The following ARL14EPL variants were observed in gnomAD, a reference collection of about 807,000 sequenced individuals.
ARL14EPL encodes ARF like GTPase 14 effector protein like.
Under a neutral mutation model 15.9 loss-of-function variants are expected in ARL14EPL, and 17 were observed. The ratio of observed to expected loss-of-function variants is 1.07; its 90% confidence interval spans 0.73 to 1.60. ARL14EPL has a LOEUF of 1.60. ARL14EPL is among the 40% of genes most tolerant of loss of function. ARL14EPL has a pLI of 0.00. For synonymous variants in ARL14EPL, 78 were observed against 63.8 expected, an observed-to-expected ratio of 1.22 and a Z score of -1.06; for missense variants, 214 against 185.9, an observed-to-expected ratio of 1.15 and a Z score of -0.88.
In ARL14EPL at chr5:116,058,751, G is replaced by T. The variant is rs1014156903; in HGVS notation, c.263G>T (p.Gly88Val). 13 of 1,535,166 alleles carry T rather than the reference G, an allele frequency of 8.5e-6. 1 individual carries two copies. In the African/African-American group the frequency reaches 1.2e-4, roughly 15 times the overall value. The stretch of plus-strand genomic sequence containing the variant: ...ATAATGAGGAAGTATGACAAAAGTG[G>T]CAGGCTCATCTGTAATGACGCTGAT... Reference protein sequence around the residue: ...YKIMRKYDKSGRLICNDADLC... With the variant: ...YKIMRKYDKSVRLICNDADLC... The change falls in exon 4 of 4, where the codon GGC becomes GTC. Residue 88 changes from glycine (G) to valine (V), a missense_variant. By Grantham distance (109) the Gly-to-Val change is moderately radical (BLOSUM62 -3). Coordinates refer to ENST00000686077, the MANE Select transcript of ARL14EPL (RefSeq NM_001195581.2).
At chr5:116,042,734 A>G (rs147050876) in intron 1 of ARL14EPL, among the ~76,000 whole-genome samples, 2 of 152,292 alleles carry the variant, frequency 1.3e-5, no homozygotes, top group South Asian at 2.1e-4. Context: ...GGATACTTAT[A>G]ACTTCCAAAG....
chr5:116,049,141 T>C (rs1749324998), intron 1 of ARL14EPL, among the ~76,000 whole-genome samples: 2 of 152,180 alleles, frequency 1.3e-5, no homozygotes, highest in South Asian at 2.1e-4. Flanking sequence ...GGACCATCTA[T>C]ATGGGCAATA....
At chr5:116,051,929 G>A in intron 2 of ARL14EPL, 1 of 1,601,878 alleles carries the variant, frequency 6.2e-7, no homozygotes, top group South Asian at 1.1e-5. Flanking sequence ...TTCACCAGCA[G>A]CTGGAGCATC....
intron 3 of ARL14EPL, among the ~76,000 whole-genome samples, chr5:116,057,711 A>G (rs186231636): frequency 1.3e-4 from 20 of 152,314 alleles, no homozygotes; most frequent in Admixed American, 8.5e-4. Context: ...ATAATGACTA[A>G]TCCTTTCCCT....
intron 1 of ARL14EPL, among the ~76,000 whole-genome samples, chr5:116,049,654 C>G (rs1749333767): frequency 6.6e-6 from 1 of 152,130 alleles, no homozygotes; most frequent in Non-Finnish European, 1.5e-5. Flanking sequence ...CCCTTGTGAT[C>G]TTTTAAATGT....
At chr5:116,056,250 T>C (rs1229331970) in intron 3 of ARL14EPL, among the ~76,000 whole-genome samples, 1 of 152,038 alleles carries the variant, frequency 6.6e-6, no homozygotes, top group Non-Finnish European at 1.5e-5. Context: ...TTGAAGTAGT[T>C]TACTGTCCCA....
At chr5:116,040,339 A>G (rs1395774169) in intron 1 of ARL14EPL, among the ~76,000 whole-genome samples, 1 of 151,728 alleles carries the variant, frequency 6.6e-6, no homozygotes, top group East Asian at 1.9e-4. Context: ...TTTATATACA[A>G]TAATAGAAAT....
At chr5:116,043,319 T>G (rs1749199568) in intron 1 of ARL14EPL, among the ~76,000 whole-genome samples, 1 of 151,786 alleles carries the variant, frequency 6.6e-6, no homozygotes, top group Admixed American at 6.6e-5. Flanking sequence ...AACTAAGGAG[T>G]GCTTTAGTAT....
intron 1 of ARL14EPL, among the ~76,000 whole-genome samples, chr5:116,046,884 G>T (rs1749277376): frequency 1.3e-5 from 2 of 152,166 alleles, no homozygotes; most frequent in Non-Finnish European, 2.9e-5. Context: ...AGGTAATTAA[G>T]TTTAAATGAG....
intron 1 of ARL14EPL, among the ~76,000 whole-genome samples, chr5:116,049,243 A>G (rs1749327275): frequency 6.6e-6 from 1 of 152,220 alleles, no homozygotes; most frequent in African/African-American, 2.4e-5. Context: ...GATAAGGTTC[A>G]TCAGAGAGCT....
At chr5:116,040,893 ATCGCATG>A in intron 1 of ARL14EPL, among the ~76,000 whole-genome samples, 1 of 143,352 alleles carries the variant, frequency 7.0e-6, no homozygotes, top group African/African-American at 2.5e-5. Context: ...AGGCAGGAGA[ATCGCATG>A]AACCCAGAGG....
intron 1 of ARL14EPL, among the ~76,000 whole-genome samples, chr5:116,033,610 A>C (rs1045864826): frequency 1.4e-5 from 2 of 138,264 alleles, no homozygotes; most frequent in Non-Finnish European, 1.5e-5. Context: ...AAAATTCTAA[A>C]TGGAATTTAG....
At chr5:116,057,839 C>G (rs144154124) in intron 3 of ARL14EPL, among the ~76,000 whole-genome samples, 1 of 152,140 alleles carries the variant, frequency 6.6e-6, no homozygotes, top group Non-Finnish European at 1.5e-5. Flanking sequence ...CATAATTTTG[C>G]CATACTAGCT....
chr5:116,052,934 C>T (rs1749420646), intron 2 of ARL14EPL, among the ~76,000 whole-genome samples: 1 of 152,142 alleles, frequency 6.6e-6, no homozygotes, highest in African/African-American at 2.4e-5. Context: ...ATTTTCTTCC[C>T]TCATGACATG....
Position 116,058,759 on chromosome 5 carries a change from A to T in ARL14EPL, c.271A>T (p.Ile91Phe). The T allele has an allele frequency of 6.5e-7, 1 of 1,535,514 alleles. No homozygotes were observed. The highest frequency in any genetic ancestry group is 8.7e-7 in the Non-Finnish European group (1 of 1,146,920). Residue 91 changes from isoleucine to phenylalanine, a missense_variant, in exon 4 of 4, where the codon ATC becomes TTC. Coordinates refer to ENST00000686077, the MANE Select transcript of ARL14EPL (RefSeq NM_001195581.2). ...GAAGTATGACAAAAGTGGCAGGCTCATCTGTAATGACGCTGATCTGTGTGA... is the reference window on the plus strand; with the variant it reads ...GAAGTATGACAAAAGTGGCAGGCTCTTCTGTAATGACGCTGATCTGTGTGA... ...MRKYDKSGRL[I>F]CNDADLCDCL... is the part of the protein sequence containing the mutation.
intron 1 of ARL14EPL, among the ~76,000 whole-genome samples, chr5:116,042,629 G>A (rs994346643): frequency 2.6e-5 from 4 of 152,222 alleles, no homozygotes; most frequent in African/African-American, 9.6e-5. Context: ...GAGGATTGGA[G>A]CAGCCCAGTG....
At chr5:116,045,469 A>T (rs1749249554) in intron 1 of ARL14EPL, among the ~76,000 whole-genome samples, 2 of 152,198 alleles carry the variant, frequency 1.3e-5, no homozygotes, top group South Asian at 4.1e-4. Flanking sequence ...TTAAAATTGC[A>T]AGAAATAATT....
intron 1 of ARL14EPL, among the ~76,000 whole-genome samples, chr5:116,043,472 A>G (rs150036503): frequency 0.012 from 1,838 of 152,232 alleles, 12 homozygotes; most frequent in Non-Finnish European, 0.017. Flanking sequence ...GGACTTGCAA[A>G]TTTAATGAGG....
intron 2 of ARL14EPL, chr5:116,052,020 C>T (rs1749393599): frequency 6.2e-7 from 1 of 1,611,236 alleles, no homozygotes; most frequent in East Asian, 2.2e-5. Flanking sequence ...CTAAGGAGCT[C>T]CTGAAGGGCT....
Sources: gnomAD v4.1 joint callset for allele counts (sites outside exome capture counted in the v4.1 genomes callset) on GRCh38, gnomAD v4.1.1 for gene constraint, MANE v1.5 for transcripts, NCBI Gene and HGNC (gene_info 2026-07-23, HGNC 2026-07-21) for gene names.